The following CDK17 variants were observed in gnomAD, a reference collection of about 807,000 sequenced individuals.
CDK17 encodes the protein cyclin dependent kinase 17, also known as cyclin-dependent kinase 17.
In CDK17, 24 loss-of-function variants were observed where a neutral mutation model predicts 77.6. The observed-to-expected ratio is 0.31, with a 90% CI of 0.22 to 0.44. The LOEUF (loss-of-function observed/expected upper bound fraction) is 0.44, where lower values mean the gene tolerates loss of function less well. Among genes scored for constraint, CDK17 ranks in the 20% least tolerant of loss-of-function variants. CDK17 has a pLI of 1.00. For missense variants in CDK17, 429 were observed against 622.5 expected, an observed-to-expected ratio of 0.69 and a Z score of 3.31; for synonymous variants, 203 against 210.4, an observed-to-expected ratio of 0.96 and a Z score of 0.30.
At chr12:96,280,421 C>T in intron 16 of CDK17, 142 bp from the exon 17 acceptor site, 1 of 1,442,286 alleles carries the variant, frequency 6.9e-7, no homozygotes, top group South Asian at 1.5e-5. Context: ...TCTTAAATGA[C>T]CCTTCTGTTG....
chr12:96,304,431 G>C (rs1172456243), intron 5 of CDK17, among the ~76,000 whole-genome samples: 1 of 152,138 alleles, frequency 6.6e-6, no homozygotes, highest in Non-Finnish European at 1.5e-5. Context: ...CAGCTACTCG[G>C]GAGGCTGAGG....
rs77604229 is a variant in CDK17, at chr12:96,381,552, A to C, written c.-30+18434T>G. Among the ~76,000 whole-genome samples the C allele has an allele frequency of 5.3e-5, 8 of 152,134 alleles. No homozygotes were observed. The East Asian group carries it at 1.4e-3, about 26-fold the overall frequency. Reference sequence around the variant, plus strand: ...CTAGTGAGCTGAAAGGATCATCCGCAATTTTCCTCCCATAAACTCTACTAC... The same window carrying C: ...CTAGTGAGCTGAAAGGATCATCCGCCATTTTCCTCCCATAAACTCTACTAC... On this transcript the variant is annotated intron_variant, in intron 1 of 16. Transcript: ENST00000261211.
intron 1 of CDK17, among the ~76,000 whole-genome samples, chr12:96,368,805 ACGGGGGGG>A (rs1347949405): frequency 1.9e-3 from 3 of 1,614 alleles, no homozygotes; most frequent in African/African-American, 4.9e-3. Context: ...CTACTCTAAG[ACGGGGGGG>A]GGGGGGGGGG....
intron 13 of CDK17, among the ~76,000 whole-genome samples, chr12:96,285,072 C>T (rs1952229795): frequency 6.6e-6 from 1 of 152,152 alleles, no homozygotes; most frequent in South Asian, 2.1e-4. Flanking sequence ...AAACTAGGCA[C>T]TAAGTCATGG....
chr12:96,322,421 A>T (rs1227231924), intron 3 of CDK17, among the ~76,000 whole-genome samples: 2 of 152,132 alleles, frequency 1.3e-5, no homozygotes, highest in African/African-American at 2.4e-5. Flanking sequence ...AGGATTATTA[A>T]ACAGAGAAGA....
chr12:96,359,969 C>G (rs1953467329), intron 1 of CDK17, among the ~76,000 whole-genome samples: 1 of 151,954 alleles, frequency 6.6e-6, no homozygotes, highest in African/African-American at 2.4e-5. Context: ...AAAGCAGGAA[C>G]AGACATAGTA....
chr12:96,389,830 TTTTTG>T (rs1339898546), intron 1 of CDK17, among the ~76,000 whole-genome samples: 50 of 50,608 alleles, frequency 9.9e-4, no homozygotes, highest in African/African-American at 6.0e-3. Context: ...GTTTGTTTGT[TTTTTG>T]TTTTTTTTTT....
intron 10 of CDK17, among the ~76,000 whole-genome samples, chr12:96,292,309 AACT>A (rs1239683370): frequency 6.6e-6 from 1 of 152,122 alleles, no homozygotes; most frequent in Non-Finnish European, 1.5e-5. Flanking sequence ...CCAAACATAA[AACT>A]ACCATAATCA....
chr12:96,381,111 T>C (rs1953871451), intron 1 of CDK17, among the ~76,000 whole-genome samples: 1 of 152,172 alleles, frequency 6.6e-6, no homozygotes, highest in Non-Finnish European at 1.5e-5. Context: ...ACAAATAAAC[T>C]AATACACTCT....
rs777929596 is a variant in CDK17, at chr12:96,297,613, T to C, written c.810+14A>G. ...AAAGTAAAGTTAAATACTGAATTTTTATGAGATGCTTACCAGATACTCAAA... is the reference window on the plus strand; with the variant it reads ...AAAGTAAAGTTAAATACTGAATTTTCATGAGATGCTTACCAGATACTCAAA... On this transcript the variant is annotated intron_variant, in intron 8 of 16. Coordinates refer to ENST00000261211, the MANE Select transcript of CDK17 (RefSeq NM_002595.5). The C allele has an allele frequency of 1.4e-6, 2 of 1,469,890 alleles. No individual in the cohort carries two copies. Among genetic ancestry groups the C allele is most frequent in the South Asian group, 1.2e-5 (1 of 83,836 alleles). The allele number at this position is 1,469,890 out of a possible 1,614,324, so 91.1% of individuals were successfully genotyped here.
intron 3 of CDK17, among the ~76,000 whole-genome samples, chr12:96,322,134 G>A (rs946238663): frequency 3.7e-4 from 57 of 152,156 alleles, no homozygotes; most frequent in Middle Eastern, 6.8e-3. Flanking sequence ...ACTACCAGTC[G>A]GTATTTTCAT....
rs771909186 is a variant in CDK17, at chr12:96,299,967, C to G, written c.600+337G>C. 7.2e-5 allele frequency among the ~76,000 whole-genome samples: 11 copies of G among 152,284 alleles called. No homozygotes were observed. In the South Asian group the frequency reaches 1.7e-3, roughly 23 times the overall value. ...ATCTTTATTCTGATTTTTCACAGGTCTGAACTCATGCAATTTCCCATGGTG... is the reference window on the plus strand; with the variant it reads ...ATCTTTATTCTGATTTTTCACAGGTGTGAACTCATGCAATTTCCCATGGTG... On this transcript the variant is annotated intron_variant, in intron 6 of 16. Coordinates refer to ENST00000261211, the MANE Select transcript of CDK17 (RefSeq NM_002595.5).
intron 2 of CDK17, among the ~76,000 whole-genome samples, chr12:96,333,744 G>C (rs973989976): frequency 1.3e-5 from 2 of 151,902 alleles, no homozygotes; most frequent in Non-Finnish European, 2.9e-5. Context: ...TTGCAGAACA[G>C]TAGCATTGTT....
At chr12:96,299,518 G>A (rs556202102) in intron 6 of CDK17, among the ~76,000 whole-genome samples, 2 of 151,494 alleles carry the variant, frequency 1.3e-5, no homozygotes, top group African/African-American at 4.8e-5. Flanking sequence ...AGCCTCCCGA[G>A]TAGCTGGGAT....
chr12:96,374,852 T>C (rs1286169471), intron 1 of CDK17, among the ~76,000 whole-genome samples: 1 of 152,196 alleles, frequency 6.6e-6, no homozygotes, highest in Non-Finnish European at 1.5e-5. Context: ...AAGGTACATA[T>C]ACTTGGATCT....
intron 16 of CDK17, 194 bp downstream of exon 16, chr12:96,280,614 T>G (rs1565800496): frequency 1.4e-6 from 2 of 1,414,860 alleles, no homozygotes; most frequent in Non-Finnish European, 1.8e-6. Context: ...AGTCAGATTT[T>G]TCTCTGAAGA....
chr12:96,368,633 C>T (rs1164982283), intron 1 of CDK17, among the ~76,000 whole-genome samples: 13 of 151,992 alleles, frequency 8.6e-5, no homozygotes, highest in Non-Finnish European at 1.5e-5. Flanking sequence ...TAGGAAATAT[C>T]CTCCTTTTAA....
chr12:96,343,861 G>C (rs1953159390), intron 1 of CDK17, among the ~76,000 whole-genome samples: 1 of 152,112 alleles, frequency 6.6e-6, no homozygotes, highest in Non-Finnish European at 1.5e-5. Flanking sequence ...AAAAGCATTT[G>C]ACAGAAACCT....
intron 16 of CDK17, chr12:96,280,542 G>A (rs1952163360): frequency 5.7e-6 from 8 of 1,413,548 alleles, no homozygotes; most frequent in Non-Finnish European, 6.4e-6. Context: ...CAGTGATCAA[G>A]CCAGGTCACT....
Sources: allele counts gnomAD v4.1 joint callset (sites outside exome capture counted in the v4.1 genomes callset), GRCh38; gene constraint gnomAD v4.1.1; transcripts MANE v1.5; gene names NCBI Gene and HGNC (gene_info 2026-07-23, HGNC 2026-07-21).